The following TCF3 variants were observed in gnomAD, a reference collection of about 807,000 sequenced individuals.
TCF3 encodes the protein transcription factor 3.
In TCF3, 54 loss-of-function variants were observed where a neutral mutation model predicts 72.3. The ratio of observed to expected loss-of-function variants is 0.75; its 90% CI spans 0.60 to 0.94. TCF3 has a LOEUF of 0.94. Ranked by LOEUF, TCF3 falls within the 40% of genes least tolerant of loss-of-function variation. The pLI is 0.00. For missense variants in TCF3, 1,078 were observed against 934.4 expected (o/e 1.15, Z -2.00); for synonymous variants, 525 against 412.6 (o/e 1.27, Z -3.30).
At chr19:1,641,505 T>C (rs2065238380) in intron 3 of TCF3, among the ~76,000 whole-genome samples, 1 of 152,138 alleles carries the variant, frequency 6.6e-6, no homozygotes, top group African/African-American at 2.4e-5. Flanking sequence ...GAGGCCAGAG[T>C]GCAGTGGCGC....
At position 1,619,910 on chromosome 19, in the gene TCF3, G is replaced by A. The variant is rs78722031; in HGVS notation, c.1094-57C>T. ...GAGGGGCGGGGTGTGAGCATGGCCT[G>A]ATGCCCATGGGGAGGGATTCATGAA... On this transcript the variant is annotated intron_variant, in intron 13 of 18. Coordinates refer to ENST00000262965, the MANE Select transcript of TCF3 (RefSeq NM_003200.5). The A allele has an allele frequency of 1.9e-3, 2,628 of 1,411,980 alleles. 37 individuals are homozygous for A. In the African/African-American group the frequency reaches 0.031, roughly 16 times the overall value. The allele number at this position is 1,411,980 out of a possible 1,614,324, so 87.5% of individuals were successfully genotyped here.
chr19:1,639,939 A>G (rs1004875646), intron 3 of TCF3, among the ~76,000 whole-genome samples: 2 of 152,102 alleles, frequency 1.3e-5, no homozygotes, highest in Admixed American at 6.6e-5. Context: ...AAAGAGAAGA[A>G]ATGCCGATAA....
rs998308048 is a variant in TCF3 at position 1,652,560 on chromosome 19, G to C, written c.-300C>G. On this transcript the variant is annotated 5_prime_UTR_variant, in exon 1 of 19. Transcript: ENST00000262965. ...CCCGCCGCCGCGTCGGCTCCGGCCCGCTACGCCCGCAGCCGCCGCCGCTGC... is the reference window on the plus strand; with the variant it reads ...CCCGCCGCCGCGTCGGCTCCGGCCCCCTACGCCCGCAGCCGCCGCCGCTGC... 1.4e-5 allele frequency: 2 copies of C among 145,030 alleles called. No individual in the cohort carries two copies. The highest frequency in any genetic ancestry group is 2.1e-4 in the South Asian group (1 of 4,874). 9.0% of individuals were successfully genotyped at this position (145,030 alleles called of 1,614,324 possible). A position where few individuals can be genotyped will look rare whatever the true frequency, so the allele number is the denominator to read the frequency against.
intron 13 of TCF3, 94 bp from the exon 14 acceptor site, chr19:1,619,947 G>A (rs955059838): frequency 6.4e-5 from 73 of 1,141,956 alleles, no homozygotes; most frequent in Non-Finnish European, 8.8e-5. Context: ...CACCCCGCCT[G>A]TCCAGCCTCC....
chr19:1,616,840 C>G lies in TCF3; in HGVS notation c.1451-1019G>C, dbSNP rs1407520827. 2.0e-5 allele frequency among the ~76,000 whole-genome samples: 3 copies of G among 152,304 alleles called. No individual in the cohort carries two copies. The East Asian group carries it at 5.8e-4, about 29-fold the overall frequency. On this transcript the variant is annotated intron_variant, in intron 16 of 18. Transcript: ENST00000262965. ...TATATCAGAATTGAGAGTTCCTGAT[C>G]AGCAAAGATACCAGGAAAAGAAAAG...
chr19:1,632,713 T>A (rs977127530), intron 3 of TCF3, among the ~76,000 whole-genome samples: 1 of 152,092 alleles, frequency 6.6e-6, no homozygotes, highest in African/African-American at 2.4e-5. Flanking sequence ...GACCTCACTC[T>A]CACGCCGAGC....
chr19:1,650,596 T>A, intron 1 of TCF3: 1 of 297,182 alleles, frequency 3.4e-6, no homozygotes, highest in Non-Finnish European at 6.2e-6. Context: ...GTTGCCAAGT[T>A]TAAACTGCAC....
chr19:1,622,019 TC>T (rs1247101624), intron 10 of TCF3, 34 bp downstream of exon 10: 1 of 1,093,956 alleles, frequency 9.1e-7, no homozygotes, highest in Non-Finnish European at 1.3e-6. Context: ...ACTGCCACCC[TC>T]CGCCCACCCC....
chr19:1,620,398 T>C (rs1357726638), intron 13 of TCF3, among the ~76,000 whole-genome samples: 1 of 152,120 alleles, frequency 6.6e-6, no homozygotes, highest in Non-Finnish European at 1.5e-5. Context: ...CTCACAGGGA[T>C]AGGAGGGTCT....
At chr19:1,612,157 G>A (rs1168260061) in intron 18 of TCF3, 2 of 1,511,482 alleles carry the variant, frequency 1.3e-6, no homozygotes, top group African/African-American at 2.8e-5. Flanking sequence ...TCTGCACCTG[G>A]GTGTGGGGAA....
chr19:1,621,700 T>C lies in TCF3; in HGVS notation c.955+138A>G, dbSNP rs1184230340. ...GGCAGGCCCTGCAGACAGCGGACAA[T>C]GAGAACTGACAACAACCCGCTCTCA... On this transcript the variant is annotated intron_variant, in intron 11 of 18. Coordinates refer to ENST00000262965, the MANE Select transcript of TCF3 (RefSeq NM_003200.5). 8 of 1,185,332 alleles carry C rather than the reference T, an allele frequency of 6.7e-6. No individual in the cohort carries two copies. In the African/African-American group the frequency reaches 9.3e-5, roughly 14 times the overall value. The allele number at this position is 1,185,332 out of a possible 1,614,324, so 73.4% of individuals were successfully genotyped here. A position where few individuals can be genotyped will look rare whatever the true frequency, so the allele number is the denominator to read the frequency against.
At chr19:1,619,605 G>C in intron 14 of TCF3, 131 bp from the exon 15 acceptor site, 1 of 1,362,498 alleles carries the variant, frequency 7.3e-7, no homozygotes, top group South Asian at 1.4e-5. Context: ...CATATGCCAG[G>C]CATCTGGCGC....
chr19:1,651,434 G>A (rs910654934), intron 1 of TCF3: 19 of 226,294 alleles, frequency 8.4e-5, no homozygotes, highest in East Asian at 3.2e-4. Context: ...TTTTTTGGAG[G>A]GCGTGTGAAA....
chr19:1,632,213 C>A, intron 4 of TCF3, 97 bp from the exon 5 acceptor site: 5 of 1,550,126 alleles, frequency 3.2e-6, no homozygotes, highest in Non-Finnish European at 4.4e-6. Flanking sequence ...AAACCCATGT[C>A]CCCCAGTCCA....
intron 2 of TCF3, 40 bp downstream of exon 2, chr19:1,650,137 G>T: frequency 6.6e-7 from 1 of 1,523,352 alleles, no homozygotes. Flanking sequence ...AACTGTGGAG[G>T]CAAAGGGGTG....
At chr19:1,641,593 CAG>C (rs1261326533) in intron 3 of TCF3, among the ~76,000 whole-genome samples, 1 of 152,144 alleles carries the variant, frequency 6.6e-6, no homozygotes, top group Non-Finnish European at 1.5e-5. Context: ...GCTGGGATGA[CAG>C]GCACGCACCA....
At chr19:1,627,218 C>G (rs559800621) in intron 6 of TCF3, 141 bp downstream of exon 6, 2 of 547,230 alleles carry the variant, frequency 3.7e-6, no homozygotes, top group Non-Finnish European at 6.3e-6. Flanking sequence ...CCAGCCCACC[C>G]TGGCCCAAGC....
chr19:1,627,812 G>A lies in TCF3; in HGVS notation c.299-386C>T, dbSNP rs754265827. Among the ~76,000 whole-genome samples, 563 of 126,292 alleles carry A rather than the reference G, an allele frequency of 4.5e-3. 3 individuals carry two copies. Among genetic ancestry groups the A allele is most frequent in the African/African-American group, 0.014 (418 of 30,554 alleles). 82.9% of individuals were successfully genotyped at this position (126,292 alleles called of 152,430 possible). ...AAGGGGACAGCAGAGCTCACAGGGG[G>A]TGAGGCGGGAAGGGGACAGCAGAGC... On this transcript the variant is annotated intron_variant, in intron 5 of 18. Transcript: ENST00000262965.
chr19:1,650,128 A>G, intron 2 of TCF3, 49 bp downstream of exon 2: 1 of 1,506,124 alleles, frequency 6.6e-7, no homozygotes, highest in Non-Finnish European at 9.0e-7. Flanking sequence ...CTTCCCGTGA[A>G]CTGTGGAGGC....
Sources: allele counts gnomAD v4.1 joint callset (sites outside exome capture counted in the v4.1 genomes callset), GRCh38; gene constraint gnomAD v4.1.1; transcripts MANE v1.5; gene names NCBI Gene and HGNC (gene_info 2026-07-23, HGNC 2026-07-21).